Variants in MTUS2 observed in about 807,000 individuals in gnomAD.
MTUS2 encodes the protein microtubule associated scaffold protein 2, also known as microtubule-associated tumor suppressor candidate 2.
A neutral mutation model predicts 114.1 loss-of-function variants in MTUS2; 40 were observed. The ratio of observed to expected loss-of-function variants is 0.35; its 90% CI spans 0.27 to 0.46. The LOEUF (loss-of-function observed/expected upper bound fraction) is 0.46, where lower values mean the gene tolerates loss of function less well. Among genes scored for constraint, MTUS2 ranks in the 20% least tolerant of loss-of-function variants. The pLI is 1.00. For missense variants in MTUS2, 1,679 were observed against 1,705.4 expected, an observed-to-expected ratio of 0.98 and a Z score of 0.27; for synonymous variants, 688 against 672.0, an observed-to-expected ratio of 1.02 and a Z score of -0.37.
At chr13:28,871,291 TG>T (rs1263756105) in intron 2 of MTUS2, among the ~76,000 whole-genome samples, 3 of 152,182 alleles carry the variant, frequency 2.0e-5, no homozygotes, top group African/African-American at 7.2e-5. Flanking sequence ...GAAATTTTTA[TG>T]TAAGTGGGAG....
Position 29,088,662 on chromosome 13 carries a change from A to G in MTUS2, c.2447-12111A>G, listed in dbSNP as rs73443192. ...TGCAATATTGGGTTCATATACATTC[A>G]GCATAGTTAAATCATCTTATTGTAT... On this transcript the variant is annotated intron_variant, in intron 4 of 15. Transcript: ENST00000612955. 2.1e-3 allele frequency among the ~76,000 whole-genome samples: 321 copies of G among 152,356 alleles called. 1 individual carries two copies. Among genetic ancestry groups the G allele is most frequent in the African/African-American group, 7.2e-3 (299 of 41,580 alleles).
intron 5 of MTUS2, among the ~76,000 whole-genome samples, chr13:29,173,647 G>A (rs1308648216): frequency 6.6e-6 from 1 of 152,058 alleles, no homozygotes; most frequent in Admixed American, 6.6e-5. Flanking sequence ...GGTGGAAATA[G>A]CATATTGATT....
intron 8 of MTUS2, among the ~76,000 whole-genome samples, chr13:29,406,160 C>A (rs1274527791): frequency 1.3e-5 from 2 of 152,088 alleles, no homozygotes; most frequent in Non-Finnish European, 2.9e-5. Flanking sequence ...ATCCTGTGAC[C>A]GTCCCTTACA....
intron 5 of MTUS2, among the ~76,000 whole-genome samples, chr13:29,273,104 A>G (rs565587402): frequency 6.6e-6 from 1 of 152,314 alleles, no homozygotes; most frequent in South Asian, 2.1e-4. Flanking sequence ...TCTTAATACT[A>G]TCACATTGGC....
chr13:29,428,593 C>G (rs1200712092), intron 8 of MTUS2: 1 of 245,146 alleles, frequency 4.1e-6, no homozygotes, highest in East Asian at 1.1e-4. Context: ...CCCTCCCTTC[C>G]TGGCTCCCGC....
chr13:29,369,821 G>A (rs1871058122), intron 8 of MTUS2, among the ~76,000 whole-genome samples: 1 of 152,096 alleles, frequency 6.6e-6, no homozygotes, highest in African/African-American at 2.4e-5. Context: ...TAGATAGGAG[G>A]TGATATTATT....
chr13:29,484,067 C>A (rs1373718251), intron 10 of MTUS2: 1 of 152,218 alleles, frequency 6.6e-6, no homozygotes, highest in Non-Finnish European at 1.5e-5. Flanking sequence ...TCAGGGACTG[C>A]CAGTCTGGAT....
At chr13:29,302,299 T>G (rs1899238921) in intron 6 of MTUS2, among the ~76,000 whole-genome samples, 1 of 152,124 alleles carries the variant, frequency 6.6e-6, no homozygotes, top group South Asian at 2.1e-4. Flanking sequence ...CAGTGAGTGA[T>G]TGTGCAACCC....
At chr13:29,038,600 C>T (rs570934944) in intron 4 of MTUS2, among the ~76,000 whole-genome samples, 20 of 152,330 alleles carry the variant, frequency 1.3e-4, no homozygotes, top group Non-Finnish European at 2.4e-4. Context: ...TCTTCAGAGC[C>T]GACAGGCAGG....
intron 8 of MTUS2, among the ~76,000 whole-genome samples, chr13:29,380,576 C>T (rs564189149): frequency 2.0e-5 from 3 of 152,134 alleles, no homozygotes; most frequent in Admixed American, 6.5e-5. Flanking sequence ...AAGGAACACA[C>T]GAGAGGAGAT....
At chr13:29,130,832 G>T (rs996321070) in intron 5 of MTUS2, among the ~76,000 whole-genome samples, 1 of 152,078 alleles carries the variant, frequency 6.6e-6, no homozygotes, top group African/African-American at 2.4e-5. Context: ...CAGCATGTTG[G>T]CCAGGATGGT....
chr13:28,840,820 G>T (rs1179397497), intron 2 of MTUS2, among the ~76,000 whole-genome samples: 1 of 152,182 alleles, frequency 6.6e-6, no homozygotes, highest in Admixed American at 6.5e-5. Context: ...TAGAAACTTG[G>T]GTGGCTCAAA....
chr13:29,472,955 T>A (rs1880426368), intron 9 of MTUS2, among the ~76,000 whole-genome samples: 1 of 152,156 alleles, frequency 6.6e-6, no homozygotes, highest in Non-Finnish European at 1.5e-5. Flanking sequence ...TAAATTAAAT[T>A]TTGTCCTTGA....
rs374243681 is a variant in MTUS2 at position 28,822,241 on chromosome 13, A to C, written c.-316+1630A>C. The stretch of plus-strand genomic sequence containing the variant: ...TAGGAGCAGATCTTATGGATGGTTT[A>C]TGAAGGCTTATGTAAGAGCTATGAC... On this transcript the variant is annotated intron_variant, in intron 1 of 15. Coordinates refer to ENST00000612955, the MANE Select transcript of MTUS2 (RefSeq NM_001033602.4). Among the ~76,000 whole-genome samples the C allele has an allele frequency of 1.4e-3, 210 of 152,304 alleles. 10 individuals carry two copies. The South Asian group carries it at 0.043, about 31-fold the overall frequency.
intron 1 of MTUS2, among the ~76,000 whole-genome samples, chr13:28,826,254 A>G (rs532429463): frequency 6.6e-6 from 1 of 152,372 alleles, no homozygotes; most frequent in East Asian, 1.9e-4. Flanking sequence ...AAGTAAATAA[A>G]TCAATAAATT....
At chr13:28,899,418 CT>C (rs1034627132) in intron 2 of MTUS2, among the ~76,000 whole-genome samples, 4 of 151,324 alleles carry the variant, frequency 2.6e-5, no homozygotes, top group Non-Finnish European at 5.9e-5. Context: ...GTTTCTTTTT[CT>C]TTTTTTTTGA....
chr13:29,348,479 A>G (rs1400179601), intron 7 of MTUS2, among the ~76,000 whole-genome samples: 3 of 152,196 alleles, frequency 2.0e-5, no homozygotes, highest in Non-Finnish European at 4.4e-5. Context: ...TAAGACTCAC[A>G]GCAAAGTCTG....
intron 5 of MTUS2, among the ~76,000 whole-genome samples, chr13:29,198,292 A>G (rs974533162): frequency 2.6e-5 from 4 of 152,170 alleles, no homozygotes; most frequent in African/African-American, 7.2e-5. Context: ...GCATATGGCT[A>G]CCCAGTTTTC....
intron 2 of MTUS2, among the ~76,000 whole-genome samples, chr13:28,906,090 T>C (rs1287896059): frequency 6.6e-6 from 1 of 151,562 alleles, no homozygotes; most frequent in Non-Finnish European, 1.5e-5. Flanking sequence ...TCTGTGGGAT[T>C]GGTGGTGATA....
Sources: allele counts gnomAD v4.1 joint callset (sites outside exome capture counted in the v4.1 genomes callset), GRCh38; gene constraint gnomAD v4.1.1; transcripts MANE v1.5; gene names NCBI Gene and HGNC (gene_info 2026-07-23, HGNC 2026-07-21).